The following SAMD7 variants were observed in gnomAD, a reference collection of about 807,000 sequenced individuals.
SAMD7 encodes sterile alpha motif domain-containing protein 7.
SAMD7 carries 34 observed loss-of-function variants against 36.7 expected under a neutral mutation model. That is an observed-to-expected ratio of 0.93 (90% confidence interval 0.71 to 1.23). The LOEUF (loss-of-function observed/expected upper bound fraction) is 1.23. SAMD7 is among the 50% of genes most tolerant of loss of function. SAMD7 has a pLI of 0.00. For synonymous variants in SAMD7, 188 were observed against 189.7 expected (o/e 0.99, Z 0.07); for missense variants, 570 against 546.6 (o/e 1.04, Z -0.43).
intron 2 of SAMD7, among the ~76,000 whole-genome samples, chr3:169,917,114 A>G (rs1342301899): frequency 6.6e-6 from 1 of 152,260 alleles, no homozygotes; most frequent in Non-Finnish European, 1.5e-5. Flanking sequence ...ATATGTATGT[A>G]TGAATGGCAA....
chr3:169,919,432 TAA>T (rs1220065522), intron 2 of SAMD7, 24 bp from the exon 3 acceptor site: 1 of 1,185,032 alleles, frequency 8.4e-7, no homozygotes, highest in Non-Finnish European at 1.3e-6. Flanking sequence ...AGTTATTTGT[TAA>T]AGTGTCTATC....
chr3:169,911,616 A>G lies in SAMD7; in HGVS notation c.-322A>G, dbSNP rs571414608. 8 of 152,234 alleles carry G rather than the reference A, an allele frequency of 5.3e-5. No homozygotes were observed. The highest frequency in any genetic ancestry group is 1.3e-4 in the Admixed American group (2 of 15,280). 9.4% of individuals were successfully genotyped at this position (152,234 alleles called of 1,614,324 possible). A position where few individuals can be genotyped will look rare whatever the true frequency, so the allele number is the denominator to read the frequency against. On this transcript the variant is annotated 5_prime_UTR_variant, in exon 1 of 9. Coordinates refer to ENST00000335556, the MANE Select transcript of SAMD7 (RefSeq NM_001304366.2). ...CTATCTGTAGAGGATATCAGAGGGC[A>G]AAGTTTCTGTCATGAAATAGGACTA...
intron 5 of SAMD7, 72 bp downstream of exon 5, chr3:169,925,208 A>T: frequency 1.1e-6 from 1 of 938,202 alleles, no homozygotes; most frequent in Non-Finnish European, 1.7e-6. Flanking sequence ...TTATCTTCAT[A>T]TAACAAATGA....
intron 1 of SAMD7, among the ~76,000 whole-genome samples, chr3:169,912,069 T>C (rs187794641): frequency 6.6e-6 from 1 of 152,038 alleles, no homozygotes; most frequent in South Asian, 2.1e-4. Context: ...GTTTTTGGAG[T>C]TTTTTAAGTG....
intron 7 of SAMD7, 85 bp downstream of exon 7, chr3:169,928,663 G>T (rs900002661): frequency 2.6e-5 from 36 of 1,367,416 alleles, no homozygotes; most frequent in Admixed American, 3.7e-5. Flanking sequence ...AACTTGCATT[G>T]TGCCTCCAGA....
chr3:169,922,493 C>CT (rs1172509440), intron 4 of SAMD7, among the ~76,000 whole-genome samples: 1 of 152,062 alleles, frequency 6.6e-6, no homozygotes. Context: ...CATTTATCAC[C>CT]TTTTTTGTTG....
At chr3:169,927,356 G>C (rs979605164) in intron 6 of SAMD7, among the ~76,000 whole-genome samples, 175 bp downstream of exon 6, 3 of 136,656 alleles carry the variant, frequency 2.2e-5, no homozygotes, top group Admixed American at 8.1e-5. Context: ...GTGCAGTGGC[G>C]CGATCTCGGC....
chr3:169,923,796 A>C (rs569038190), intron 4 of SAMD7, among the ~76,000 whole-genome samples: 1 of 152,354 alleles, frequency 6.6e-6, no homozygotes, highest in East Asian at 1.9e-4. Context: ...TCAGTCCTAC[A>C]AAAACTGAGC....
Position 169,925,138 on chromosome 3 carries a change from T to A in SAMD7, c.290+2T>A. 6.3e-7 allele frequency: 1 copy of A among 1,598,768 alleles called. No individual in the cohort carries two copies. The highest frequency in any genetic ancestry group is 8.5e-7 in the Non-Finnish European group (1 of 1,169,940). On this transcript the variant is annotated splice_donor_variant, in intron 5 of 8. Coordinates refer to ENST00000335556, the MANE Select transcript of SAMD7 (RefSeq NM_001304366.2). LOFTEE classifies it high-confidence loss of function. ...GATTCAACGGCATCATACTGCCAGG[T>A]AATTTGGCAATGTTGTTTTATTTAT...
In SAMD7 at chr3:169,915,428, G is replaced by A. The variant is rs1413649087; in HGVS notation, c.-55G>A. 2.0e-5 allele frequency: 3 copies of A among 152,084 alleles called. No homozygotes were observed. The highest frequency in any genetic ancestry group is 1.9e-4 in the East Asian group (1 of 5,178). 9.4% of individuals were successfully genotyped at this position (152,084 alleles called of 1,614,324 possible). On this transcript the variant is annotated 5_prime_UTR_variant, in exon 2 of 9. Transcript: ENST00000335556. The stretch of plus-strand genomic sequence containing the variant: ...TCTCCTTTTGGTGATTCATCTCCAC[G>A]GCTTTTCCTAAAGGTAACATGTAAG...
In SAMD7 at chr3:169,938,700, G is replaced by C. The variant is rs999677573; in HGVS notation, c.*194G>C. 1 of 432,808 alleles carries C rather than the reference G, an allele frequency of 2.3e-6. No individual in the cohort carries two copies. The highest frequency in any genetic ancestry group is 3.4e-5 in the East Asian group (1 of 29,072). The allele number at this position is 432,808 out of a possible 1,614,324, so 26.8% of individuals were successfully genotyped here. ...GAATGACCCCAGCACCAAATGACTG[G>C]AGACGCATCCTTAGGAGCAAATGCT... On this transcript the variant is annotated 3_prime_UTR_variant, in exon 9 of 9. Transcript: ENST00000335556.
intron 7 of SAMD7, chr3:169,932,369 T>G: frequency 1.5e-6 from 1 of 659,242 alleles, no homozygotes; most frequent in Middle Eastern, 3.4e-4. Flanking sequence ...CAGAAAGTTG[T>G]TTTCGAACCT....
intron 2 of SAMD7, 27 bp from the exon 3 acceptor site, chr3:169,919,431 T>C: frequency 8.5e-7 from 1 of 1,178,998 alleles, no homozygotes; most frequent in Non-Finnish European, 1.3e-6. Context: ...GAGTTATTTG[T>C]TAAAGTGTCT....
chr3:169,937,609 T>C (rs1009118069), intron 8 of SAMD7, among the ~76,000 whole-genome samples: 1 of 152,228 alleles, frequency 6.6e-6, no homozygotes, highest in African/African-American at 2.4e-5. Context: ...TATGGCTGCA[T>C]AGTATTCCAT....
chr3:169,933,013 T>C (rs1370591510), intron 7 of SAMD7: 2 of 757,286 alleles, frequency 2.6e-6, no homozygotes, highest in African/African-American at 1.7e-5. Flanking sequence ...ATCACTCAGG[T>C]GTCTACCTGG....
intron 8 of SAMD7, 88 bp downstream of exon 8, chr3:169,936,537 ATACT>A: frequency 1.3e-6 from 1 of 757,640 alleles, no homozygotes; most frequent in Non-Finnish European, 2.2e-6. Flanking sequence ...AATATAAATA[ATACT>A]TATTTAACTT....
In SAMD7 at chr3:169,927,137, A is replaced by G. The variant is rs1713302464; in HGVS notation, c.875A>G (p.Glu292Gly). 5 of 1,563,460 alleles carry G rather than the reference A, an allele frequency of 3.2e-6. No individual in the cohort carries two copies. In the East Asian group the frequency reaches 1.1e-4, roughly 35 times the overall value. The part of the protein sequence containing the change: ...ASEQIFATCD[E>G]KNGVCPPVPR... ...GAGCAGATTTTTGCAACCTGTGATG[A>G]AAAGAATGGGGTTTGCCCTCCAGTT... is the stretch of plus-strand genomic sequence containing the variant. Residue 292 changes from glutamate to glycine, a missense_variant, in exon 6 of 9, where the codon GAA becomes GGA. Glu to Gly is a moderately conservative substitution (Grantham distance 98). Transcript: ENST00000335556.
intron 1 of SAMD7, among the ~76,000 whole-genome samples, chr3:169,914,261 TTCTCTG>T (rs1323433821): frequency 1.3e-5 from 2 of 152,180 alleles, no homozygotes; most frequent in Admixed American, 1.3e-4. Context: ...TACTGAAAAC[TTCTCTG>T]AAAAATAAAA....
At chr3:169,925,517 G>A (rs1470566878) in intron 5 of SAMD7, among the ~76,000 whole-genome samples, 3 of 149,414 alleles carry the variant, frequency 2.0e-5, no homozygotes, top group Non-Finnish European at 4.5e-5. Flanking sequence ...ATGAGGTCAG[G>A]AGTTCAAGAC....
Sources: gnomAD v4.1 joint callset for allele counts (sites outside exome capture counted in the v4.1 genomes callset) on GRCh38, gnomAD v4.1.1 for gene constraint, MANE v1.5 for transcripts, NCBI Gene and HGNC (gene_info 2026-07-23, HGNC 2026-07-21) for gene names.